SLFN5: variants seen among roughly 807,000 people sequenced by gnomAD.
SLFN5 encodes the protein schlafen family member 5.
SLFN5 carries 34 observed loss-of-function variants against 48.5 expected under a neutral mutation model. That is an observed-to-expected ratio of 0.70 (90% CI 0.53 to 0.93). The LOEUF (loss-of-function observed/expected upper bound fraction) is 0.93, where lower values mean the gene tolerates loss of function less well. Among genes scored for constraint, SLFN5 ranks in the 40% least tolerant of loss-of-function variants. The probability of loss-of-function intolerance (pLI) is 0.00; values close to 1 mark genes in which losing one functional copy is unlikely to be tolerated. For synonymous variants in SLFN5, 387 were observed against 396.2 expected, an observed-to-expected ratio of 0.98 and a Z score of 0.28; for missense variants, 1,006 against 1,071.3, an observed-to-expected ratio of 0.94 and a Z score of 0.85.
chr17:35,253,924 C>G (rs773934808), intron 1 of SLFN5, among the ~76,000 whole-genome samples: 1 of 152,018 alleles, frequency 6.6e-6, no homozygotes, highest in Non-Finnish European at 1.5e-5. Flanking sequence ...TCTTGAACTC[C>G]TAACCTCAGG....
chr17:35,266,331 T>G lies in SLFN5; in HGVS notation c.*443T>G. ...TTTTATAAATTTTTAACATGGCCAC[T>G]TGCAGAAGAGCTTGAATGGGACGTG... On this transcript the variant is annotated 3_prime_UTR_variant, in exon 5 of 5. Coordinates refer to ENST00000299977, the MANE Select transcript of SLFN5 (RefSeq NM_144975.4). 1 of 155,106 alleles carries G rather than the reference T, an allele frequency of 6.4e-6. No individual in the cohort carries two copies. Among genetic ancestry groups the G allele is most frequent in the Non-Finnish European group, 1.4e-5 (1 of 70,022 alleles). The allele number at this position is 155,106 out of a possible 1,614,324, so 9.6% of individuals were successfully genotyped here.
At chr17:35,260,752 T>C (rs1310058984) in intron 2 of SLFN5, among the ~76,000 whole-genome samples, 1 of 152,150 alleles carries the variant, frequency 6.6e-6, no homozygotes, top group East Asian at 1.9e-4. Flanking sequence ...AATAGTTTTG[T>C]TTTGACATAA....
At position 35,267,979 on chromosome 17, in the gene SLFN5, C is replaced by T. The variant is rs1398199099; in HGVS notation, c.*2091C>T. On this transcript the variant is annotated 3_prime_UTR_variant, in exon 5 of 5. Transcript: ENST00000299977. Reference sequence around the variant, plus strand: ...TCTCCGTGGACACAGGAGGGATTTTCCAGGATTTCACATGAATTCAATGAA... The same window carrying T: ...TCTCCGTGGACACAGGAGGGATTTTTCAGGATTTCACATGAATTCAATGAA... 1 of 152,150 alleles carries T rather than the reference C, an allele frequency of 6.6e-6. No individual in the cohort carries two copies. The highest frequency in any genetic ancestry group is 1.5e-5 in the Non-Finnish European group (1 of 68,052). The allele number at this position is 152,150 out of a possible 1,614,324, so 9.4% of individuals were successfully genotyped here.
rs942041926 is a variant in SLFN5, at chr17:35,272,339, C to T, written c.*6451C>T. 1.2e-4 allele frequency: 19 copies of T among 152,040 alleles called. No individual in the cohort carries two copies. Among genetic ancestry groups the T allele is most frequent in the African/African-American group, 4.3e-4 (18 of 41,382 alleles). The allele number at this position is 152,040 out of a possible 1,614,324, so 9.4% of individuals were successfully genotyped here. A position where few individuals can be genotyped will look rare whatever the true frequency, so the allele number is the denominator to read the frequency against. ...TTCAATATATGATGAACAACTCTGT[C>T]ACCCAGCTAAAAAAAATTAAGCTTG... On this transcript the variant is annotated 3_prime_UTR_variant, in exon 5 of 5. Coordinates refer to ENST00000299977, the MANE Select transcript of SLFN5 (RefSeq NM_144975.4).
chr17:35,271,014 T>C lies in SLFN5; in HGVS notation c.*5126T>C, dbSNP rs1160292685. The C allele has an allele frequency of 1.3e-5, 2 of 152,200 alleles. No individual in the cohort carries two copies. The highest frequency in any genetic ancestry group is 2.9e-5 in the Non-Finnish European group (2 of 68,040). The allele number at this position is 152,200 out of a possible 1,614,324, so 9.4% of individuals were successfully genotyped here. On this transcript the variant is annotated 3_prime_UTR_variant, in exon 5 of 5. Coordinates refer to ENST00000299977, the MANE Select transcript of SLFN5 (RefSeq NM_144975.4). ...AGTTTGGAAAATCTACAAAAAGAAGTGTGAATTTGACAATAACTATTTCAC... is the reference window on the plus strand; with the variant it reads ...AGTTTGGAAAATCTACAAAAAGAAGCGTGAATTTGACAATAACTATTTCAC...
rs752936534 is a variant in SLFN5, at chr17:35,259,369, G to T, written c.679G>T (p.Val227Leu). The change falls in exon 2 of 5, where the codon GTA (valine) becomes TTA (leucine). Residue 227 changes from valine to leucine, a missense_variant. Transcript: ENST00000299977. ...ATTTGCAAATACTGAAGGAGGATAT[G>T]TATTTTTTGGTGTGCATGATGAGAC... ...SAFANTEGGY[V>L]FFGVHDETCQ... 3 of 1,614,170 alleles carry T rather than the reference G, an allele frequency of 1.9e-6. No homozygotes were observed. The highest frequency in any genetic ancestry group is 2.5e-6 in the Non-Finnish European group (3 of 1,180,038).
intron 1 of SLFN5, among the ~76,000 whole-genome samples, chr17:35,257,817 T>C (rs1904389781): frequency 6.6e-6 from 1 of 152,174 alleles, no homozygotes; most frequent in Admixed American, 6.5e-5. Context: ...CAATCAGATG[T>C]GTCCCCTCCC....
At position 35,270,018 on chromosome 17, in the gene SLFN5, T is replaced by C. The variant is rs920105595; in HGVS notation, c.*4130T>C. On this transcript the variant is annotated 3_prime_UTR_variant, in exon 5 of 5. Transcript: ENST00000299977. The stretch of plus-strand genomic sequence containing the variant: ...AAAGTTCTTGAGTTAAAGAAAAATA[T>C]TCGGTAGTTCAGCTCTTCCTTCAAT... 6.6e-6 allele frequency: 1 copy of C among 152,200 alleles called. No homozygotes were observed. Among genetic ancestry groups the C allele is most frequent in the Non-Finnish European group, 1.5e-5 (1 of 68,032 alleles). 9.4% of individuals were successfully genotyped at this position (152,200 alleles called of 1,614,324 possible). A position where few individuals can be genotyped will look rare whatever the true frequency, so the allele number is the denominator to read the frequency against.
rs1367698146 is a variant in SLFN5, at chr17:35,266,826, C to T, written c.*938C>T. On this transcript the variant is annotated 3_prime_UTR_variant, in exon 5 of 5. Transcript: ENST00000299977. Reference sequence around the variant, plus strand: ...GTCTTCAGGATGTTAGCTAGTCTTTCAAAAGCCATTGCTACAAAAGTGCAA... The same window carrying T: ...GTCTTCAGGATGTTAGCTAGTCTTTTAAAAGCCATTGCTACAAAAGTGCAA... The T allele has an allele frequency of 1.3e-5, 2 of 152,184 alleles. No individual in the cohort carries two copies. The highest frequency in any genetic ancestry group is 2.9e-5 in the Non-Finnish European group (2 of 68,030). 9.4% of individuals were successfully genotyped at this position (152,184 alleles called of 1,614,324 possible).
chr17:35,264,294 G>A lies in SLFN5; in HGVS notation c.1250G>A (p.Gly417Glu). The A allele has an allele frequency of 1.2e-6, 2 of 1,614,114 alleles. No individual in the cohort carries two copies. The highest frequency in any genetic ancestry group is 2.7e-5 in the African/African-American group (2 of 75,018). ...ACAGAAATGCGCCCTTTCTCTCAAG[G>A]AATATTGATTTTTTCTCAAAGCTGG... is the stretch of plus-strand genomic sequence containing the variant. ...INTEMRPFSQGILIFSQSWAV... is the reference protein window; with the variant it reads ...INTEMRPFSQEILIFSQSWAV... The change falls in exon 4 of 5, where the codon GGA becomes GAA. Residue 417 changes from glycine to glutamate, a missense_variant. Gly to Glu is a moderately conservative substitution (Grantham distance 98). Coordinates refer to ENST00000299977, the MANE Select transcript of SLFN5 (RefSeq NM_144975.4).
chr17:35,259,539 G>A lies in SLFN5; in HGVS notation c.849G>A (p.Val283=). 6.2e-7 allele frequency: 1 copy of A among 1,614,140 alleles called. No homozygotes were observed. The highest frequency in any genetic ancestry group is 1.3e-5 in the African/African-American group (1 of 75,056). Residue 283 remains valine (V), a synonymous_variant, in exon 2 of 5, where the codon GTG becomes GTA. Transcript: ENST00000299977. ...AATATGTCCTTAACTTCCTTGAAGT[G>A]CATGATAAGGGGGCCCTCCGTGGAT... ...EIKYVLNFLE[V]HDKGALRGYV... is the part of the protein sequence containing the mutation.
At chr17:35,263,811 C>CAA (rs370619332) in intron 3 of SLFN5, among the ~76,000 whole-genome samples, 13,243 of 121,742 alleles carry the variant, frequency 0.11, 1,134 homozygotes, top group East Asian at 0.24. Context: ...GACTCCATCT[C>CAA]AAAAAAAAAA....
rs758836659 is a variant in SLFN5, at chr17:35,264,166, A to G, written c.1139-17A>G. 5 of 1,551,204 alleles carry G rather than the reference A, an allele frequency of 3.2e-6. No homozygotes were observed. The East Asian group carries it at 6.7e-5, about 21-fold the overall frequency. ...TCTGAGGCTTTTCTAATTTCTTCCC[A>G]TCCTTTCCCTGTCTAGTATTTTCAG... On this transcript the variant is annotated splice_polypyrimidine_tract_variant and intron_variant, in intron 3 of 4. Coordinates refer to ENST00000299977, the MANE Select transcript of SLFN5 (RefSeq NM_144975.4).
At position 35,264,869 on chromosome 17, in the gene SLFN5, A is replaced by T; in HGVS notation, c.1825A>T (p.Ile609Phe). Residue 609 changes from isoleucine (I) to phenylalanine (F), a missense_variant, in exon 4 of 5, where the codon ATC (isoleucine) becomes TTC (phenylalanine). Ile to Phe is a conservative substitution (Grantham distance 21, BLOSUM62 0). Coordinates refer to ENST00000299977, the MANE Select transcript of SLFN5 (RefSeq NM_144975.4). ...FHCEPANILYICENQPLKKLV... is the reference protein window; with the variant it reads ...FHCEPANILYFCENQPLKKLV... ...CTGTGAACCGGCTAACATTCTCTAC[A>T]TCTGTGAAAACCAGCCCCTGAAGAA... The T allele has an allele frequency of 6.3e-7, 1 of 1,577,316 alleles. No homozygotes were observed. Among genetic ancestry groups the T allele is most frequent in the Non-Finnish European group, 8.6e-7 (1 of 1,166,726 alleles).
intron 1 of SLFN5, among the ~76,000 whole-genome samples, chr17:35,257,512 T>C (rs888819587): frequency 1.3e-5 from 2 of 151,924 alleles, no homozygotes; most frequent in African/African-American, 4.8e-5. Flanking sequence ...TATTATCTAC[T>C]GGATCTCAGA....
At chr17:35,260,157 A>G (rs1297034740) in intron 2 of SLFN5, among the ~76,000 whole-genome samples, 1 of 152,024 alleles carries the variant, frequency 6.6e-6, no homozygotes, top group African/African-American at 2.4e-5. Context: ...GCCCACTTCC[A>G]TTTTTTGAAC....
chr17:35,253,941 G>T (rs572464449), intron 1 of SLFN5, among the ~76,000 whole-genome samples: 1 of 151,124 alleles, frequency 6.6e-6, no homozygotes, highest in Admixed American at 6.6e-5. Context: ...CAGGTGATCC[G>T]CCCACCTTGT....
chr17:35,252,705 T>G (rs1385754486), intron 1 of SLFN5, among the ~76,000 whole-genome samples: 1 of 152,192 alleles, frequency 6.6e-6, no homozygotes, highest in Non-Finnish European at 1.5e-5. Context: ...TTCATCAAAT[T>G]TTCTTCAAAA....
At position 35,270,084 on chromosome 17, in the gene SLFN5, TAAA is replaced by T. The variant is rs1202862685; in HGVS notation, c.*4199_*4201del. 1 of 152,100 alleles carries T rather than the reference TAAA, an allele frequency of 6.6e-6. No homozygotes were observed. The highest frequency in any genetic ancestry group is 2.4e-5 in the African/African-American group (1 of 41,454). 9.4% of individuals were successfully genotyped at this position (152,100 alleles called of 1,614,324 possible). On this transcript the variant is annotated 3_prime_UTR_variant, in exon 5 of 5. Coordinates refer to ENST00000299977, the MANE Select transcript of SLFN5 (RefSeq NM_144975.4). The stretch of plus-strand genomic sequence containing the variant: ...TTCTTTTGTTCAAGTGAAATAAACA[TAAA>T]AATAATTTTAAAATATTATGTATCA...
Sources: gnomAD v4.1 joint callset for allele counts (sites outside exome capture counted in the v4.1 genomes callset) on GRCh38, gnomAD v4.1.1 for gene constraint, MANE v1.5 for transcripts, NCBI Gene and HGNC (gene_info 2026-07-23, HGNC 2026-07-21) for gene names.